INO80: variants seen among roughly 807,000 people sequenced by gnomAD.
The protein encoded by INO80 is chromatin-remodeling ATPase INO80.
Under a neutral mutation model 203.4 loss-of-function variants are expected in INO80, and 20 were observed. That is an observed-to-expected ratio of 0.10 (90% CI 0.07 to 0.14). INO80 has a LOEUF of 0.14. Ranked by LOEUF, INO80 falls within the 10% of genes least tolerant of loss-of-function variation. INO80 has a pLI of 1.00. For synonymous variants in INO80, 726 were observed against 685.2 expected (o/e 1.06, Z -0.93); for missense variants, 1,419 against 1,914.4 (o/e 0.74, Z 4.83).
At position 40,979,440 on chromosome 15, in the gene INO80, G is replaced by C. The variant is rs1438490647; in HGVS notation, c.*783C>G. On this transcript the variant is annotated 3_prime_UTR_variant, in exon 36 of 36. Transcript: ENST00000648947. ...ACTGAAGGGCATGAGCAGGGAGACT[G>C]TGCATTCAGGATGGGCAAAGGGGAC... The C allele has an allele frequency of 2.0e-5, 3 of 153,434 alleles. No homozygotes were observed. The highest frequency in any genetic ancestry group is 7.2e-5 in the African/African-American group (3 of 41,448). 9.5% of individuals were successfully genotyped at this position (153,434 alleles called of 1,614,324 possible).
chr15:41,044,437 A>T (rs1401665390), intron 24 of INO80, among the ~76,000 whole-genome samples: 2 of 152,226 alleles, frequency 1.3e-5, no homozygotes, highest in Non-Finnish European at 2.9e-5. Flanking sequence ...TCCCAGTTAC[A>T]AAAGAGTACA....
chr15:40,979,719 C>G lies in INO80; in HGVS notation c.*504G>C. The G allele has an allele frequency of 5.9e-6, 1 of 170,378 alleles. No individual in the cohort carries two copies. Among genetic ancestry groups the G allele is most frequent in the Admixed American group, 5.5e-5 (1 of 18,066 alleles). The allele number at this position is 170,378 out of a possible 1,614,324, so 10.6% of individuals were successfully genotyped here. On this transcript the variant is annotated 3_prime_UTR_variant, in exon 36 of 36. Coordinates refer to ENST00000648947, the MANE Select transcript of INO80 (RefSeq NM_017553.3). The stretch of plus-strand genomic sequence containing the variant: ...CACTGCTCTCTCCAATGATGACACT[C>G]TGGGGTTCAGAGACCTGGGGAGCTG...
At position 40,979,840 on chromosome 15, in the gene INO80, C is replaced by G. The variant is rs545078632; in HGVS notation, c.*383G>C. The G allele has an allele frequency of 4.0e-6, 1 of 249,982 alleles. No homozygotes were observed. Among genetic ancestry groups the G allele is most frequent in the Admixed American group, 5.0e-5 (1 of 19,942 alleles). 15.5% of individuals were successfully genotyped at this position (249,982 alleles called of 1,614,324 possible). A position where few individuals can be genotyped will look rare whatever the true frequency, so the allele number is the denominator to read the frequency against. ...AATCTCTACCATGGAAGGCTCTTCA[C>G]AGCACCTGCGGAGACTTTGCAAGGG... is the stretch of plus-strand genomic sequence containing the variant. On this transcript the variant is annotated 3_prime_UTR_variant, in exon 36 of 36. Transcript: ENST00000648947.
rs557390375 is a variant in INO80, at chr15:41,083,168, C to T, written c.874-2095G>A. Among the ~76,000 whole-genome samples the T allele has an allele frequency of 2.7e-3, 407 of 151,060 alleles. 3 individuals are homozygous for T. Among genetic ancestry groups the T allele is most frequent in the South Asian group, 0.013 (61 of 4,754 alleles). On this transcript the variant is annotated intron_variant, in intron 7 of 35. Coordinates refer to ENST00000648947, the MANE Select transcript of INO80 (RefSeq NM_017553.3). ...GGTGTCGTGGCGGGTGCCTGTAGTC[C>T]CAGCTACTCCGGAGGCTGAAGGAGG... is the stretch of plus-strand genomic sequence containing the variant.
At chr15:41,009,672 C>T (rs1319934181) in intron 27 of INO80, among the ~76,000 whole-genome samples, 3 of 151,954 alleles carry the variant, frequency 2.0e-5, no homozygotes, top group East Asian at 1.9e-4. Flanking sequence ...ACTGCAGCCT[C>T]GACCTCCTGG....
In INO80 at chr15:41,095,587, G is replaced by A. The variant is rs764773391; in HGVS notation, c.381+14C>T. 6.3e-7 allele frequency: 1 copy of A among 1,586,278 alleles called. No individual in the cohort carries two copies. Among genetic ancestry groups the A allele is most frequent in the African/African-American group, 1.3e-5 (1 of 74,386 alleles). ...AGACTATCTGCACTGTAAACACCCT[G>A]CTTTATCTCTTACCTTTAGCCACTT... On this transcript the variant is annotated intron_variant, in intron 4 of 35. Transcript: ENST00000648947.
At chr15:41,067,958 G>C (rs1273682774) in intron 14 of INO80, among the ~76,000 whole-genome samples, 1 of 152,102 alleles carries the variant, frequency 6.6e-6, no homozygotes, top group Non-Finnish European at 1.5e-5. Flanking sequence ...TAACTAAGCA[G>C]CTGTTTAAAT....
intron 27 of INO80, among the ~76,000 whole-genome samples, chr15:41,015,796 A>G (rs1202425204): frequency 6.8e-6 from 1 of 148,008 alleles, no homozygotes; most frequent in African/African-American, 2.6e-5. Context: ...AAAAAAAAAA[A>G]AAGAGCTGAG....
At chr15:41,024,510 T>C (rs1473793715) in intron 25 of INO80, 1 of 152,222 alleles carries the variant, frequency 6.6e-6, no homozygotes, top group Non-Finnish European at 1.5e-5. Flanking sequence ...TCTTGCTTCA[T>C]TAACCTCTGA....
chr15:41,016,167 A>C lies in INO80; in HGVS notation c.3323T>G (p.Val1108Gly), dbSNP rs34178030. 7.9e-3 allele frequency: 12,787 copies of C among 1,613,644 alleles called. 67 individuals carry two copies. The highest frequency in any genetic ancestry group is 0.011 in the Middle Eastern group (65 of 6,054). Residue 1108 changes from valine (V) to glycine (G), a missense_variant, in exon 27 of 36, where the codon GTC (valine) becomes GGC (glycine). This residue lies in a region of INO80 where 302 missense variants were observed against 345.4 expected (regional missense o/e 0.87). Transcript: ENST00000648947. ...TTGAGACTTGAGCCGAGTCAGCAGG[A>C]CATCAAGGGCATACAGCTTTCCACT... ...TDSGKLYALD[V>G]LLTRLKSQGH...
chr15:41,083,187 AAGG>A (rs895741859), intron 7 of INO80, among the ~76,000 whole-genome samples: 18 of 149,780 alleles, frequency 1.2e-4, no homozygotes, highest in East Asian at 2.0e-4. Context: ...CCGGAGGCTG[AAGG>A]AGGAGAATGG....
Position 41,102,820 on chromosome 15 carries a change from A to G in INO80, c.-43-6467T>C, listed in dbSNP as rs535069000. On this transcript the variant is annotated intron_variant, in intron 1 of 35. Coordinates refer to ENST00000648947, the MANE Select transcript of INO80 (RefSeq NM_017553.3). ...AGTGACTCTTGCTTTTGGATACTCT[A>G]TTTAATAATCTTTGAAAACTTGGAC... Among the ~76,000 whole-genome samples the G allele has an allele frequency of 1.7e-4, 26 of 152,308 alleles. No homozygotes were observed. In the South Asian group the frequency reaches 5.4e-3, roughly 32 times the overall value.
At chr15:41,057,039 C>T (rs2044999306) in intron 16 of INO80, among the ~76,000 whole-genome samples, 1 of 152,176 alleles carries the variant, frequency 6.6e-6, no homozygotes, top group African/African-American at 2.4e-5. Context: ...AAGTACATAT[C>T]TGTGGTATAA....
chr15:40,995,710 TGA>T (rs2043872540), intron 29 of INO80, among the ~76,000 whole-genome samples: 1 of 152,114 alleles, frequency 6.6e-6, no homozygotes, highest in African/African-American at 2.4e-5. Context: ...ATTGAGAGTA[TGA>T]CTATGCTGAA....
chr15:41,111,806 G>GAA (rs879587317), intron 1 of INO80, among the ~76,000 whole-genome samples: 1 of 123,864 alleles, frequency 8.1e-6, no homozygotes, highest in Non-Finnish European at 1.8e-5. Context: ...TCTGTCTCAA[G>GAA]AAAAAAAAAA....
At chr15:41,084,198 A>T (rs199892311) in intron 7 of INO80, among the ~76,000 whole-genome samples, 36 of 121,444 alleles carry the variant, frequency 3.0e-4, no homozygotes, top group Non-Finnish European at 3.2e-4. Flanking sequence ...CAACTTCTTT[A>T]AAAAAAAAAA....
chr15:41,085,554 G>T lies in INO80; in HGVS notation c.688C>A (p.Arg230=). The change falls in exon 7 of 36, where the codon CGA becomes AGA. Residue 230 remains arginine, a synonymous_variant. Coordinates refer to ENST00000648947, the MANE Select transcript of INO80 (RefSeq NM_017553.3). ...AKLKKVKKKR[R]RDEELSSEES... The stretch of plus-strand genomic sequence containing the variant: ...TCAGAGGAAAGTTCTTCATCTCTTC[G>T]TCTTTTTTTCTTCACTTTTTTCAAC... The T allele has an allele frequency of 6.2e-7, 1 of 1,614,020 alleles. No homozygotes were observed. Among genetic ancestry groups the T allele is most frequent in the Non-Finnish European group, 8.5e-7 (1 of 1,179,980 alleles).
chr15:40,991,053 T>C (rs1033646173), intron 29 of INO80, among the ~76,000 whole-genome samples: 1 of 152,154 alleles, frequency 6.6e-6, no homozygotes, highest in African/African-American at 2.4e-5. Flanking sequence ...ATATAATGAA[T>C]TGTTTCATAA....
chr15:41,032,063 G>GCACAGCACAGCACAGCACAGCACAGC (rs1303342631), intron 24 of INO80, among the ~76,000 whole-genome samples: 2 of 58,984 alleles, frequency 3.4e-5, no homozygotes, highest in African/African-American at 1.2e-4. Flanking sequence ...CACAGCACAG[G>GCACAGCACAGCACAGCACAGCACAGC]ACAGCACAGG....
Sources: gnomAD v4.1 joint callset for allele counts (sites outside exome capture counted in the v4.1 genomes callset) on GRCh38, gnomAD v4.1.1 for gene constraint, gnomAD v4.1.1 regional missense constraint, MANE v1.5 for transcripts, NCBI Gene and HGNC (gene_info 2026-07-23, HGNC 2026-07-21) for gene names.